Variants in ROBO2 observed in about 807,000 individuals in gnomAD.
ROBO2 encodes the protein roundabout homolog 2.
In ROBO2, 53 loss-of-function variants were observed where a neutral mutation model predicts 160.8. The observed-to-expected ratio is 0.33, with a 90% CI of 0.26 to 0.41. ROBO2 has a LOEUF of 0.41. Among genes scored for constraint, ROBO2 ranks in the 10% least tolerant of loss-of-function variants. The pLI is 1.00. For synonymous variants in ROBO2, 664 were observed against 611.7 expected (o/e 1.09, Z -1.26); for missense variants, 1,577 against 1,722.4 (o/e 0.92, Z 1.49).
chr3:77,057,253 C>T (rs9847747), intron 1 of ROBO2, among the ~76,000 whole-genome samples: 124,119 of 152,024 alleles, frequency 0.82, 52,111 homozygotes, highest in Middle Eastern at 0.95. Context: ...TAGGTGGGAA[C>T]TGAACAATGA....
At chr3:76,033,054 G>A (rs2066979208) in intron 2 of ROBO2, among the ~76,000 whole-genome samples, 1 of 151,440 alleles carries the variant, frequency 6.6e-6, no homozygotes, top group East Asian at 1.9e-4. Context: ...GGCTTTAAAA[G>A]TAAGAATAAA....
intron 2 of ROBO2, among the ~76,000 whole-genome samples, chr3:76,668,982 A>C (rs1258458594): frequency 6.6e-6 from 1 of 152,170 alleles, no homozygotes; most frequent in Non-Finnish European, 1.5e-5. Flanking sequence ...TTAGAAGGCA[A>C]ACTTGACATG....
intron 2 of ROBO2, among the ~76,000 whole-genome samples, chr3:76,203,596 C>CA (rs1205495576): frequency 7.0e-6 from 1 of 142,846 alleles, no homozygotes; most frequent in African/African-American, 2.6e-5. Context: ...TCGGCTTCCC[C>CA]GTCAAGAGAT....
intron 5 of ROBO2, among the ~76,000 whole-genome samples, chr3:77,513,280 T>A (rs1249641243): frequency 6.6e-6 from 1 of 151,736 alleles, no homozygotes; most frequent in Admixed American, 6.6e-5. Flanking sequence ...AGCTAGAAAA[T>A]CATGAGAAGT....
intron 2 of ROBO2, among the ~76,000 whole-genome samples, chr3:77,237,434 T>C (rs1475338305): frequency 6.6e-6 from 1 of 151,152 alleles, no homozygotes; most frequent in East Asian, 1.9e-4. Context: ...TGTGTGTGTG[T>C]GTGTGTGTGT....
At chr3:76,746,539 G>A (rs2093895369) in intron 2 of ROBO2, among the ~76,000 whole-genome samples, 1 of 152,104 alleles carries the variant, frequency 6.6e-6, no homozygotes, top group East Asian at 1.9e-4. Flanking sequence ...ATTGGTGTGA[G>A]ATGGTATCTC....
At chr3:77,013,228 A>G (rs2149473079) in intron 2 of ROBO2, among the ~76,000 whole-genome samples, 1 of 152,250 alleles carries the variant, frequency 6.6e-6, no homozygotes, top group South Asian at 2.1e-4. Context: ...GTAGAAAAAT[A>G]ATGATAAGAT....
intron 2 of ROBO2, among the ~76,000 whole-genome samples, chr3:76,910,657 C>T (rs551162123): frequency 7.7e-6 from 1 of 129,334 alleles, no homozygotes; most frequent in Non-Finnish European, 1.6e-5. Context: ...ACCCAGCAGG[C>T]GGAGGTTGCA....
chr3:77,307,486 G>A (rs781508116), intron 2 of ROBO2, among the ~76,000 whole-genome samples: 7 of 152,158 alleles, frequency 4.6e-5, no homozygotes, highest in Non-Finnish European at 1.0e-4. Flanking sequence ...CCAAGGACAT[G>A]TTTCTTTCAA....
At chr3:77,129,959 A>C (rs2075700422) in intron 2 of ROBO2, among the ~76,000 whole-genome samples, 1 of 152,152 alleles carries the variant, frequency 6.6e-6, no homozygotes, top group Admixed American at 6.5e-5. Context: ...CATCAGATTG[A>C]GAAATGACTT....
At chr3:76,602,272 C>T (rs2087212202) in intron 2 of ROBO2, among the ~76,000 whole-genome samples, 1 of 152,292 alleles carries the variant, frequency 6.6e-6, no homozygotes, top group Admixed American at 6.5e-5. Flanking sequence ...TTCCTGTCTT[C>T]TTCTAAGCCC....
At chr3:76,168,340 TGAAA>T (rs1044388640) in intron 2 of ROBO2, among the ~76,000 whole-genome samples, 2 of 152,208 alleles carry the variant, frequency 1.3e-5, no homozygotes, top group African/African-American at 4.8e-5. Flanking sequence ...ACGATATTGT[TGAAA>T]GAATGTTTTT....
intron 1 of ROBO2, among the ~76,000 whole-genome samples, chr3:77,051,869 T>C (rs1264225413): frequency 7.9e-5 from 12 of 152,192 alleles, no homozygotes; most frequent in Admixed American, 7.9e-4. Flanking sequence ...TTGAATGAAG[T>C]CGGTTGGATT....
chr3:77,250,949 T>C (rs760202725), intron 2 of ROBO2, among the ~76,000 whole-genome samples: 12 of 152,156 alleles, frequency 7.9e-5, no homozygotes, highest in Admixed American at 1.3e-4. Context: ...TAAGTTTCTA[T>C]AACATAAACT....
intron 2 of ROBO2, among the ~76,000 whole-genome samples, chr3:76,684,308 G>GA (rs2092638888): frequency 6.6e-6 from 1 of 152,054 alleles, no homozygotes; most frequent in African/African-American, 2.4e-5. Context: ...GCTGTAAGGT[G>GA]AAAAAAGTGT....
At chr3:76,414,911 A>G (rs2108869617) in intron 2 of ROBO2, among the ~76,000 whole-genome samples, 1 of 152,210 alleles carries the variant, frequency 6.6e-6, no homozygotes, top group East Asian at 1.9e-4. Context: ...GTGAAAGGAG[A>G]TGGGTGATAG....
chr3:77,407,865 A>G (rs1400017371), intron 2 of ROBO2, among the ~76,000 whole-genome samples: 2 of 152,174 alleles, frequency 1.3e-5, no homozygotes, highest in African/African-American at 4.8e-5. Context: ...GTAAAACAAG[A>G]CTCATTAATA....
At chr3:77,539,574 G>T (rs1468146303) in intron 6 of ROBO2, among the ~76,000 whole-genome samples, 1 of 152,108 alleles carries the variant, frequency 6.6e-6, no homozygotes, top group African/African-American at 2.4e-5. Flanking sequence ...TAGGTATAAT[G>T]AGATGGAAAA....
chr3:77,280,882 A>T (rs2060197168), intron 2 of ROBO2, among the ~76,000 whole-genome samples: 1 of 152,206 alleles, frequency 6.6e-6, no homozygotes, highest in Non-Finnish European at 1.5e-5. Context: ...CAAAATCGAC[A>T]TTGGAAAAGC....
Sources: gnomAD v4.1 joint callset for allele counts (sites outside exome capture counted in the v4.1 genomes callset) on GRCh38, gnomAD v4.1.1 for gene constraint, MANE v1.5 for transcripts, NCBI Gene and HGNC (gene_info 2026-07-23, HGNC 2026-07-21) for gene names.